VPS13B: variants seen among roughly 807,000 people sequenced by gnomAD.
VPS13B encodes the protein vacuolar protein sorting 13 homolog B.
A neutral mutation model predicts 426.4 loss-of-function variants in VPS13B; 285 were observed. The observed-to-expected ratio is 0.67, with a 90% CI of 0.61 to 0.74. VPS13B has a LOEUF of 0.74. VPS13B is among the 30% of genes least tolerant of loss of function. The pLI, the probability that VPS13B is intolerant of heterozygous loss-of-function variation, is 0.00. For synonymous variants in VPS13B, 1,676 were observed against 1,676.4 expected (o/e 1.00, Z 0.01); for missense variants, 4,537 against 4,782.6 (o/e 0.95, Z 1.51).
chr8:99,066,888 CAA>C (rs747843987), intron 3 of VPS13B, among the ~76,000 whole-genome samples: 79 of 152,324 alleles, frequency 5.2e-4, no homozygotes, highest in Middle Eastern at 3.4e-3. Context: ...AGACACATGA[CAA>C]AATGCTCATC....
chr8:99,581,826 A>G (rs1435524479), intron 33 of VPS13B, among the ~76,000 whole-genome samples: 1 of 152,228 alleles, frequency 6.6e-6, no homozygotes, highest in Non-Finnish European at 1.5e-5. Context: ...AAAAATCAAA[A>G]TGCATTCCAT....
chr8:99,527,705 AT>A (rs1274923477), intron 30 of VPS13B: 1 of 152,164 alleles, frequency 6.6e-6, no homozygotes, highest in Non-Finnish European at 1.5e-5. Context: ...ATAAAGGCAG[AT>A]TTTTAAAAAT....
chr8:99,713,763 G>A (rs538222214), intron 36 of VPS13B, among the ~76,000 whole-genome samples: 1 of 152,294 alleles, frequency 6.6e-6, no homozygotes, highest in South Asian at 2.1e-4. Flanking sequence ...TTGGAGAAAT[G>A]GCTGGTGCTA....
chr8:99,444,406 T>C (rs1297387835), intron 23 of VPS13B, among the ~76,000 whole-genome samples: 2 of 152,226 alleles, frequency 1.3e-5, no homozygotes, highest in South Asian at 4.1e-4. Context: ...CAAATTAAAG[T>C]GTTTTTAAGA....
intron 23 of VPS13B, among the ~76,000 whole-genome samples, chr8:99,465,452 A>G (rs1819064196): frequency 1.3e-5 from 2 of 151,060 alleles, no homozygotes; most frequent in Admixed American, 6.6e-5. Flanking sequence ...CTCAATTTCA[A>G]TTTCCTAATC....
intron 31 of VPS13B, among the ~76,000 whole-genome samples, chr8:99,561,328 G>T (rs768433228): frequency 6.6e-5 from 10 of 151,980 alleles, no homozygotes; most frequent in Admixed American, 1.3e-4. Flanking sequence ...TTTTATATCT[G>T]GCCTCTTTCA....
intron 30 of VPS13B, among the ~76,000 whole-genome samples, chr8:99,552,320 G>T (rs1423932785): frequency 2.6e-5 from 4 of 151,958 alleles, no homozygotes; most frequent in African/African-American, 9.7e-5. Flanking sequence ...TTTTGTCTGT[G>T]AGTGTCTCAT....
intron 33 of VPS13B, among the ~76,000 whole-genome samples, chr8:99,619,973 A>G (rs2133890521): frequency 6.6e-6 from 1 of 151,814 alleles, no homozygotes; most frequent in African/African-American, 2.4e-5. Context: ...TATAGCTGTT[A>G]TTAATGGTTT....
In VPS13B at chr8:99,511,089, C is replaced by CT. The variant is rs1277088470; in HGVS notation, c.4225-8dup. ...TTAATGAACTGTGTATTGTGATTTC[C>CT]TTTTTTTGGAACAGACAACTACAAA... On this transcript the variant is annotated splice_polypyrimidine_tract_variant and intron_variant, in intron 28 of 61. Transcript: ENST00000357162. 1.2e-6 allele frequency: 2 copies of CT among 1,610,626 alleles called. No homozygotes were observed. Among genetic ancestry groups the CT allele is most frequent in the Non-Finnish European group, 8.5e-7 (1 of 1,179,874 alleles).
chr8:99,344,503 C>A (rs1443772874), intron 19 of VPS13B, among the ~76,000 whole-genome samples: 1 of 152,090 alleles, frequency 6.6e-6, no homozygotes, highest in Admixed American at 6.5e-5. Context: ...TGGATATTGC[C>A]AAATTACTCT....
intron 30 of VPS13B, among the ~76,000 whole-genome samples, chr8:99,547,921 A>T (rs1416678958): frequency 6.6e-6 from 1 of 152,130 alleles, no homozygotes; most frequent in African/African-American, 2.4e-5. Flanking sequence ...CAAAGTTCAT[A>T]GAGCTTTTAG....
chr8:99,875,376 G>GT (rs1259095783), intron 61 of VPS13B, 42 bp from the exon 62 acceptor site: 2 of 1,613,462 alleles, frequency 1.2e-6, no homozygotes, highest in Admixed American at 1.7e-5. Flanking sequence ...TGGAACTCTC[G>GT]TAAGGGTCTG....
intron 34 of VPS13B, among the ~76,000 whole-genome samples, chr8:99,650,815 C>G (rs1336090059): frequency 2.0e-5 from 3 of 152,152 alleles, no homozygotes; most frequent in Non-Finnish European, 4.4e-5. Context: ...CCTCAGTATT[C>G]ATGGGTTCCA....
chr8:99,653,586 G>A (rs12546643), intron 34 of VPS13B, among the ~76,000 whole-genome samples: 20,618 of 151,270 alleles, frequency 0.14, 1,946 homozygotes, highest in East Asian at 0.39. Flanking sequence ...AAGAGATCAA[G>A]GACAACACAG....
At chr8:99,640,010 T>TAAGAAGAAGAAGAAG (rs1459641340) in intron 33 of VPS13B, among the ~76,000 whole-genome samples, 4 of 72,558 alleles carry the variant, frequency 5.5e-5, no homozygotes, top group Admixed American at 2.0e-4. Flanking sequence ...ATAATAATAA[T>TAAGAAGAAGAAGAAG]AATAATAATA....
intron 23 of VPS13B, among the ~76,000 whole-genome samples, chr8:99,453,967 G>A (rs1038660609): frequency 2.6e-5 from 4 of 152,050 alleles, no homozygotes; most frequent in African/African-American, 4.8e-5. Flanking sequence ...ATCTGTCATC[G>A]TAGTATCATG....
intron 36 of VPS13B, among the ~76,000 whole-genome samples, chr8:99,703,191 T>G (rs970070585): frequency 2.6e-5 from 4 of 152,180 alleles, no homozygotes; most frequent in African/African-American, 9.6e-5. Context: ...GGAATTCCTC[T>G]TATTATCATT....
chr8:99,240,444 T>C (rs1025162066), intron 17 of VPS13B, among the ~76,000 whole-genome samples: 1 of 152,218 alleles, frequency 6.6e-6, no homozygotes, highest in African/African-American at 2.4e-5. Flanking sequence ...TACTACATAA[T>C]ATTGAGCTCA....
chr8:99,661,566 G>T, intron 35 of VPS13B, 75 bp downstream of exon 35: 1 of 1,543,832 alleles, frequency 6.5e-7, no homozygotes. Context: ...GGATCTGTTA[G>T]TAATCTTGAC....
Sources: allele counts gnomAD v4.1 joint callset (sites outside exome capture counted in the v4.1 genomes callset), GRCh38; gene constraint gnomAD v4.1.1; transcripts MANE v1.5; gene names NCBI Gene and HGNC (gene_info 2026-07-23, HGNC 2026-07-21).